SPAG16: variants seen among roughly 807,000 people sequenced by gnomAD.
SPAG16 encodes sperm associated antigen 16.
Under a neutral mutation model 80.4 loss-of-function variants are expected in SPAG16, and 86 were observed. The ratio of observed to expected loss-of-function variants is 1.07; its 90% CI spans 0.90 to 1.28. SPAG16 has a LOEUF of 1.28. Among genes scored for constraint, SPAG16 ranks in the 50% most tolerant of loss-of-function variants. SPAG16 has a pLI of 0.00. For missense variants in SPAG16, 870 were observed against 765.3 expected (o/e 1.14, Z -1.61); for synonymous variants, 294 against 265.9 (o/e 1.11, Z -1.03).
chr2:213,845,829 G>A (rs2074594921), intron 10 of SPAG16, among the ~76,000 whole-genome samples: 1 of 152,176 alleles, frequency 6.6e-6, no homozygotes, highest in Admixed American at 6.5e-5. Context: ...TCACTCAGAT[G>A]TGTGGATCAG....
At chr2:213,978,904 T>C (rs141096051) in intron 12 of SPAG16, among the ~76,000 whole-genome samples, 1 of 151,890 alleles carries the variant, frequency 6.6e-6, no homozygotes, top group East Asian at 1.9e-4. Flanking sequence ...GGACTTCCTA[T>C]AAGAAAAAAA....
At chr2:214,279,103 CTTT>C (rs35554459) in intron 15 of SPAG16, among the ~76,000 whole-genome samples, 25 of 128,218 alleles carry the variant, frequency 1.9e-4, no homozygotes, top group East Asian at 2.4e-4. Flanking sequence ...ATGAAACAAG[CTTT>C]TTTTTTTTTT....
At chr2:214,190,101 CAT>C (rs2057611861) in intron 15 of SPAG16, among the ~76,000 whole-genome samples, 1 of 152,036 alleles carries the variant, frequency 6.6e-6, no homozygotes, top group African/African-American at 2.4e-5. Context: ...TGCATATAGA[CAT>C]ATGTAGCCAC....
intron 10 of SPAG16, among the ~76,000 whole-genome samples, chr2:213,549,629 A>T (rs2076725563): frequency 2.0e-5 from 3 of 152,182 alleles, no homozygotes; most frequent in Admixed American, 2.0e-4. Flanking sequence ...AGCTAAACAG[A>T]TCTCCTAAAG....
At chr2:213,668,154 G>T (rs186043457) in intron 10 of SPAG16, among the ~76,000 whole-genome samples, 3 of 151,938 alleles carry the variant, frequency 2.0e-5, no homozygotes, top group Non-Finnish European at 2.9e-5. Flanking sequence ...GGCCAGGCTG[G>T]TCTCAAACTC....
rs375439315 is a variant in SPAG16 at position 214,151,798 on chromosome 2, C to G, written c.1720+2532C>G. Among the ~76,000 whole-genome samples the G allele has an allele frequency of 5.0e-4, 76 of 151,624 alleles. No homozygotes were observed. The Middle Eastern group carries it at 0.014, about 27-fold the overall frequency. ...AATGGTCTGCTGTCTCCGCTGTGCT[C>G]TTGGACTATTGAAAACACACATGTA... is the stretch of plus-strand genomic sequence containing the variant. On this transcript the variant is annotated intron_variant, in intron 15 of 15. Transcript: ENST00000331683.
At chr2:214,027,449 C>G (rs2048190366) in intron 13 of SPAG16, among the ~76,000 whole-genome samples, 1 of 151,692 alleles carries the variant, frequency 6.6e-6, no homozygotes, top group African/African-American at 2.4e-5. Flanking sequence ...AACAAGAATG[C>G]AGAAACATCC....
rs73989443 is a variant in SPAG16 at position 214,348,511 on chromosome 2, C to T, written c.1721-61629C>T. Among the ~76,000 whole-genome samples, 950 of 152,160 alleles carry T rather than the reference C, an allele frequency of 6.2e-3. 10 individuals carry two copies. The highest frequency in any genetic ancestry group is 0.022 in the African/African-American group (903 of 41,508). ...TATGTGATTTCCAGGTCTAGGTTAC[C>T]AAAGTTATGAAGCTGCTTTTTTATT... On this transcript the variant is annotated intron_variant, in intron 15 of 15. Coordinates refer to ENST00000331683, the MANE Select transcript of SPAG16 (RefSeq NM_024532.5).
At chr2:214,214,928 GAGCCTA>G in intron 15 of SPAG16, among the ~76,000 whole-genome samples, 1 of 151,268 alleles carries the variant, frequency 6.6e-6, no homozygotes, top group Non-Finnish European at 1.5e-5. Flanking sequence ...AGGGTCACCA[GAGCCTA>G]AGGTTCATTA....
At chr2:213,320,271 A>G (rs1382032299) in intron 5 of SPAG16, among the ~76,000 whole-genome samples, 2 of 151,988 alleles carry the variant, frequency 1.3e-5, no homozygotes, top group East Asian at 3.8e-4. Context: ...TGATATTTTG[A>G]TACATATGTA....
chr2:213,670,583 T>G (rs1376176292), intron 10 of SPAG16, among the ~76,000 whole-genome samples: 1 of 152,122 alleles, frequency 6.6e-6, no homozygotes, highest in African/African-American at 2.4e-5. Flanking sequence ...TCCTTGAGTT[T>G]AAATATTTAT....
intron 10 of SPAG16, among the ~76,000 whole-genome samples, chr2:213,724,091 C>A (rs2066645789): frequency 6.6e-6 from 1 of 152,152 alleles, no homozygotes; most frequent in Non-Finnish European, 1.5e-5. Flanking sequence ...TGAAAACAGA[C>A]ATAGGTCTGC....
intron 15 of SPAG16, among the ~76,000 whole-genome samples, chr2:214,217,186 C>T (rs16851611): frequency 0.24 from 36,043 of 152,080 alleles, 4,563 homozygotes; most frequent in East Asian, 0.34. Flanking sequence ...AGGCACAAAT[C>T]GATTTAATGG....
intron 10 of SPAG16, among the ~76,000 whole-genome samples, chr2:213,836,451 T>C (rs1018307522): frequency 2.0e-5 from 3 of 152,172 alleles, no homozygotes; most frequent in South Asian, 2.1e-4. Flanking sequence ...TGTTATTATT[T>C]TGCATTTGCA....
At chr2:213,380,659 C>A (rs188525843) in intron 9 of SPAG16, among the ~76,000 whole-genome samples, 95 of 152,294 alleles carry the variant, frequency 6.2e-4, no homozygotes, top group African/African-American at 2.2e-3. Context: ...TTCCACGAAG[C>A]CCAGTAACAG....
chr2:213,565,891 T>C (rs2059745370), intron 10 of SPAG16, among the ~76,000 whole-genome samples: 2 of 152,138 alleles, frequency 1.3e-5, no homozygotes, highest in Non-Finnish European at 2.9e-5. Flanking sequence ...TGAAGACATT[T>C]TGGTAGAATA....
At chr2:213,305,646 A>G (rs2062911412) in intron 3 of SPAG16, among the ~76,000 whole-genome samples, 1 of 152,096 alleles carries the variant, frequency 6.6e-6, no homozygotes, top group Admixed American at 6.6e-5. Context: ...TTCTTTTGTT[A>G]TGATGTATCA....
intron 14 of SPAG16, among the ~76,000 whole-genome samples, chr2:214,132,506 A>G (rs1559829939): frequency 6.6e-6 from 1 of 152,360 alleles, no homozygotes; most frequent in East Asian, 1.9e-4. Context: ...GGGCATGTAT[A>G]TAAGAGATTG....
At chr2:214,133,607 A>G (rs2054898690) in intron 14 of SPAG16, among the ~76,000 whole-genome samples, 1 of 152,168 alleles carries the variant, frequency 6.6e-6, no homozygotes. Flanking sequence ...CAGTGAGCTG[A>G]GATCACACCA....
Sources: gnomAD v4.1 joint callset for allele counts (sites outside exome capture counted in the v4.1 genomes callset) on GRCh38, gnomAD v4.1.1 for gene constraint, MANE v1.5 for transcripts, NCBI Gene and HGNC (gene_info 2026-07-23, HGNC 2026-07-21) for gene names.